Variants in KIF21A observed in about 807,000 individuals in gnomAD.
The protein encoded by KIF21A is kinesin-like protein KIF21A.
In KIF21A, 114 loss-of-function variants were observed where a neutral mutation model predicts 202.9. The observed-to-expected ratio is 0.56, with a 90% CI of 0.48 to 0.66. The LOEUF (loss-of-function observed/expected upper bound fraction) is 0.66, where lower values mean the gene tolerates loss of function less well. Ranked by LOEUF, KIF21A falls within the 30% of genes least tolerant of loss-of-function variation. KIF21A has a pLI of 0.00. For synonymous variants in KIF21A, 667 were observed against 670.8 expected, an observed-to-expected ratio of 0.99 and a Z score of 0.09; for missense variants, 1,677 against 1,994.9, an observed-to-expected ratio of 0.84 and a Z score of 3.04.
At chr12:39,420,015 T>C (rs539738942) in intron 1 of KIF21A, among the ~76,000 whole-genome samples, 143 of 122,744 alleles carry the variant, frequency 1.2e-3, no homozygotes, top group Middle Eastern at 6.0e-3. Context: ...ACCAGATGTA[T>C]AAATAAACAC....
At chr12:39,435,129 C>T (rs146266210) in intron 1 of KIF21A, among the ~76,000 whole-genome samples, 138 of 152,244 alleles carry the variant, frequency 9.1e-4, no homozygotes, top group African/African-American at 3.0e-3. Flanking sequence ...TGGGTGGGTC[C>T]ATTCCATAAC....
intron 1 of KIF21A, among the ~76,000 whole-genome samples, chr12:39,425,236 TA>T (rs900687472): frequency 4.0e-5 from 6 of 151,766 alleles, no homozygotes; most frequent in African/African-American, 9.7e-5. Context: ...TATCTGGATT[TA>T]AAAAAAAATA....
intron 1 of KIF21A, among the ~76,000 whole-genome samples, chr12:39,419,489 T>G (rs1318788755): frequency 6.6e-6 from 1 of 152,202 alleles, no homozygotes; most frequent in Non-Finnish European, 1.5e-5. Context: ...TAATGTTTAC[T>G]ATGAAATCAC....
chr12:39,305,132 G>A (rs971826771), intron 34 of KIF21A, among the ~76,000 whole-genome samples, 194 bp from the exon 35 acceptor site: 6 of 151,812 alleles, frequency 4.0e-5, no homozygotes, highest in Admixed American at 6.6e-5. Flanking sequence ...TTGGGAGACC[G>A]AGGTGGACGT....
chr12:39,309,829 C>G (rs1431516736), intron 32 of KIF21A, 63 bp from the exon 33 acceptor site: 1 of 1,311,972 alleles, frequency 7.6e-7, no homozygotes, highest in East Asian at 2.5e-5. Context: ...GTTCTCTTAA[C>G]AATAAAAATT....
At chr12:39,408,253 A>G (rs1211226153) in intron 1 of KIF21A, among the ~76,000 whole-genome samples, 1 of 152,154 alleles carries the variant, frequency 6.6e-6, no homozygotes, top group African/African-American at 2.4e-5. Flanking sequence ...ATCGTCAGGC[A>G]TTAGATTCTC....
intron 10 of KIF21A, chr12:39,356,516 A>G: frequency 4.5e-6 from 1 of 222,928 alleles, no homozygotes; most frequent in Non-Finnish European, 8.7e-6. Context: ...GAAGAGGCAT[A>G]CGAAGGAAAG....
intron 1 of KIF21A, among the ~76,000 whole-genome samples, chr12:39,422,887 A>T (rs1434551628): frequency 2.6e-5 from 4 of 152,192 alleles, no homozygotes; most frequent in Non-Finnish European, 5.9e-5. Flanking sequence ...TCAGCAGTAT[A>T]GTGTGGTTAT....
At chr12:39,379,562 G>A (rs1452432406) in intron 1 of KIF21A, among the ~76,000 whole-genome samples, 1 of 152,012 alleles carries the variant, frequency 6.6e-6, no homozygotes, top group Non-Finnish European at 1.5e-5. Flanking sequence ...CTGTACCCTG[G>A]GAGACTGATG....
In KIF21A at chr12:39,330,086, T is replaced by G. The variant is rs1037055339; in HGVS notation, c.3340+156A>C. Reference sequence around the variant, plus strand: ...CAGGAATGTTTAATAAAAGACTTAGTGTGTTTGTGGGCATGGATACATTTC... The same window carrying G: ...CAGGAATGTTTAATAAAAGACTTAGGGTGTTTGTGGGCATGGATACATTTC... On this transcript the variant is annotated intron_variant, in intron 24 of 37. Transcript: ENST00000361418. The G allele has an allele frequency of 6.2e-6, 4 of 644,066 alleles. No homozygotes were observed. In the African/African-American group the frequency reaches 7.3e-5, roughly 12 times the overall value. The allele number at this position is 644,066 out of a possible 1,614,324, so 39.9% of individuals were successfully genotyped here.
chr12:39,362,388 A>T (rs1949303939), intron 7 of KIF21A, among the ~76,000 whole-genome samples: 1 of 152,190 alleles, frequency 6.6e-6, no homozygotes, highest in African/African-American at 2.4e-5. Context: ...TGTAAAATAG[A>T]TTCACTGTGG....
chr12:39,359,550 A>C (rs1949043145), intron 7 of KIF21A, among the ~76,000 whole-genome samples: 1 of 152,194 alleles, frequency 6.6e-6, no homozygotes, highest in African/African-American at 2.4e-5. Flanking sequence ...CATAATATTT[A>C]CTGGGGGTCA....
chr12:39,305,025 T>C (rs1252385448), intron 34 of KIF21A, 87 bp from the exon 35 acceptor site: 2 of 724,986 alleles, frequency 2.8e-6, no homozygotes, highest in African/African-American at 1.8e-5. Context: ...CTACATTCTT[T>C]CATAAAATAA....
chr12:39,337,426 T>C (rs1947076535), intron 16 of KIF21A: 1 of 501,796 alleles, frequency 2.0e-6, no homozygotes, highest in Non-Finnish European at 3.6e-6. Context: ...GCTTTTTGTA[T>C]TCAATATTCA....
rs372711481 is a variant in KIF21A, at chr12:39,416,017, G to A, written c.44+26910C>T. Among the ~76,000 whole-genome samples the A allele has an allele frequency of 2.2e-3, 341 of 152,270 alleles. 4 individuals carry two copies. Among genetic ancestry groups the A allele is most frequent in the African/African-American group, 7.9e-3 (328 of 41,554 alleles). On this transcript the variant is annotated intron_variant, in intron 1 of 37. Transcript: ENST00000361418. ...ACGAAGCTGGTAACTAAGGTGCAGGGAGCAACAAGCCAGGGTACAAATTAT... is the reference window on the plus strand; with the variant it reads ...ACGAAGCTGGTAACTAAGGTGCAGGAAGCAACAAGCCAGGGTACAAATTAT...
At chr12:39,348,360 A>G (rs767378064) in intron 11 of KIF21A, among the ~76,000 whole-genome samples, 1 of 152,122 alleles carries the variant, frequency 6.6e-6, no homozygotes, top group Non-Finnish European at 1.5e-5. Context: ...TTTTCTTACT[A>G]TCTACACCTC....
intron 1 of KIF21A, among the ~76,000 whole-genome samples, chr12:39,441,674 A>AAAAAAAAAAAAAAAAAAAAAC: frequency 6.8e-6 from 1 of 148,144 alleles, no homozygotes; most frequent in African/African-American, 2.5e-5. Flanking sequence ...AAAAAAAAAA[A>AAAAAAAAAAAAAAAAAAAAAC]AAAAAACACT....
intron 1 of KIF21A, among the ~76,000 whole-genome samples, chr12:39,415,758 C>T (rs1343418202): frequency 6.6e-6 from 1 of 152,144 alleles, no homozygotes; most frequent in Non-Finnish European, 1.5e-5. Flanking sequence ...TAACTCCTCC[C>T]ACCTTTGCCT....
intron 26 of KIF21A, among the ~76,000 whole-genome samples, chr12:39,324,730 G>C (rs879815840): frequency 6.6e-6 from 1 of 152,156 alleles, no homozygotes; most frequent in Non-Finnish European, 1.5e-5. Flanking sequence ...TTTAGATGGG[G>C]CATGTACTCT....
Sources: allele counts gnomAD v4.1 joint callset (sites outside exome capture counted in the v4.1 genomes callset), GRCh38; gene constraint gnomAD v4.1.1; transcripts MANE v1.5; gene names NCBI Gene and HGNC (gene_info 2026-07-23, HGNC 2026-07-21).